Variants in HSPG2 observed in about 807,000 individuals in gnomAD.
HSPG2 encodes the protein basement membrane-specific heparan sulfate proteoglycan core protein.
Under a neutral mutation model 526.6 loss-of-function variants are expected in HSPG2, and 278 were observed. The ratio of observed to expected loss-of-function variants is 0.53; its 90% confidence interval spans 0.48 to 0.58. The LOEUF (loss-of-function observed/expected upper bound fraction) is 0.58, where lower values mean the gene tolerates loss of function less well. Ranked by LOEUF, HSPG2 falls within the 20% of genes least tolerant of loss-of-function variation. The probability of loss-of-function intolerance (pLI) is 0.00; values close to 1 mark genes in which losing one functional copy is unlikely to be tolerated. For missense variants in HSPG2, 5,354 were observed against 6,099.5 expected (o/e 0.88, Z 4.07); for synonymous variants, 2,465 against 2,555.4 (o/e 0.96, Z 1.07).
intron 1 of HSPG2, among the ~76,000 whole-genome samples, chr1:21,916,327 C>T (rs71637002): frequency 0.011 from 1,708 of 152,120 alleles, 20 homozygotes; most frequent in South Asian, 0.025. Context: ...CGGTGAAACC[C>T]TGTCTCTATT....
intron 33 of HSPG2, among the ~76,000 whole-genome samples, chr1:21,866,378 C>T (rs1053734131): frequency 6.6e-6 from 1 of 152,192 alleles, no homozygotes; most frequent in African/African-American, 2.4e-5. Flanking sequence ...ATAGTGGAGA[C>T]ATGAGCCAGG....
At chr1:21,922,934 C>T (rs1644083383) in intron 1 of HSPG2, among the ~76,000 whole-genome samples, 1 of 152,134 alleles carries the variant, frequency 6.6e-6, no homozygotes, top group African/African-American at 2.4e-5. Flanking sequence ...CGAATCCAGG[C>T]TTGAGCTGAT....
intron 33 of HSPG2, chr1:21,869,750 A>C: frequency 1.0e-6 from 1 of 985,412 alleles, no homozygotes; most frequent in Non-Finnish European, 1.2e-6. Context: ...CCACGGGCCC[A>C]GCCAGCCACC....
chr1:21,840,352 C>A (rs1478762756), intron 71 of HSPG2, among the ~76,000 whole-genome samples: 1 of 152,130 alleles, frequency 6.6e-6, no homozygotes, highest in African/African-American at 2.4e-5. Flanking sequence ...GTCACCCAGG[C>A]TGCAGTGCTG....
chr1:21,880,374 C>T lies in HSPG2; in HGVS notation c.2184G>A (p.Val728=), dbSNP rs1305268084. 6.2e-7 allele frequency: 1 copy of T among 1,614,006 alleles called. No individual in the cohort carries two copies. The highest frequency in any genetic ancestry group is 1.3e-5 in the African/African-American group (1 of 74,940). Residue 728 remains valine (V), a synonymous_variant, in exon 16 of 97, where the codon GTG becomes GTA. Coordinates refer to ENST00000374695, the MANE Select transcript of HSPG2 (RefSeq NM_005529.7). ...HATSHGRAHS[V]EECRCPIGYS... Reference sequence around the variant, plus strand: ...GCCGGCTCAGGCACCTGCACTCCTCCACACTGTGGGCACGGCCATGGCTGG... The same window carrying T: ...GCCGGCTCAGGCACCTGCACTCCTCTACACTGTGGGCACGGCCATGGCTGG...
chr1:21,904,171 G>A lies in HSPG2; in HGVS notation c.64-7861C>T, dbSNP rs1394864943. Among the ~76,000 whole-genome samples, 1 of 152,202 alleles carries A rather than the reference G, an allele frequency of 6.6e-6. No individual in the cohort carries two copies. Among genetic ancestry groups the A allele is most frequent in the Non-Finnish European group, 1.5e-5 (1 of 68,040 alleles). ...TGCGAAGAGAGTGCTGAAGGGGAAG[G>A]AAGGGGGCCGGCAGAGCCCAGGGGA... On this transcript the variant is annotated intron_variant, in intron 1 of 96. Coordinates refer to ENST00000374695, the MANE Select transcript of HSPG2 (RefSeq NM_005529.7). The surrounding 1 kb of genome is among the most constrained non-coding windows in gnomAD (Gnocchi z 4.4).
chr1:21,846,041 T>A (rs1638404073), intron 64 of HSPG2, 67 bp downstream of exon 64: 1 of 1,576,634 alleles, frequency 6.3e-7, no homozygotes. Context: ...TTCTGCCAGT[T>A]CTGCCCCCTG....
Position 21,848,227 on chromosome 1 carries a change from C to A in HSPG2, c.7738-134G>T. On this transcript the variant is annotated intron_variant, in intron 59 of 96. Coordinates refer to ENST00000374695, the MANE Select transcript of HSPG2 (RefSeq NM_005529.7). The surrounding 1 kb of genome is among the most constrained non-coding windows in gnomAD (Gnocchi z 4.9). Reference sequence around the variant, plus strand: ...TCCTCAGTGGCCTTCGTGAAGCTCCCAGCATGGCATGTGGCCTGTCTCTGG... The same window carrying A: ...TCCTCAGTGGCCTTCGTGAAGCTCCAAGCATGGCATGTGGCCTGTCTCTGG... 9.5e-7 allele frequency: 1 copy of A among 1,056,548 alleles called. No individual in the cohort carries two copies. Among genetic ancestry groups the A allele is most frequent in the South Asian group, 1.4e-5 (1 of 73,018 alleles). 65.4% of individuals were successfully genotyped at this position (1,056,548 alleles called of 1,614,324 possible).
At chr1:21,891,957 T>C (rs1004597164) in intron 3 of HSPG2, among the ~76,000 whole-genome samples, 6 of 152,230 alleles carry the variant, frequency 3.9e-5, no homozygotes, top group African/African-American at 1.4e-4. Context: ...AATTCATGTA[T>C]GTGATAGATA....
At chr1:21,870,532 G>A (rs1640564213) in intron 33 of HSPG2, among the ~76,000 whole-genome samples, 2 of 152,192 alleles carry the variant, frequency 1.3e-5, no homozygotes, top group African/African-American at 4.8e-5. Context: ...GAGAGGCAAG[G>A]CCAGGGGAAC....
chr1:21,860,769 G>A (rs931948926), intron 39 of HSPG2, among the ~76,000 whole-genome samples: 1 of 152,206 alleles, frequency 6.6e-6, no homozygotes, highest in African/African-American at 2.4e-5. Flanking sequence ...ATAGGCATGA[G>A]CCACCACGCC....
rs1485248451 is a variant in HSPG2 at position 21,855,578 on chromosome 1, G to A, written c.5799C>T (p.Cys1933=). 3 of 1,595,656 alleles carry A rather than the reference G, an allele frequency of 1.9e-6. No individual in the cohort carries two copies. Among genetic ancestry groups the A allele is most frequent in the East Asian group, 4.5e-5 (2 of 44,220 alleles). ...VEPTDQAQYL[C]RAHSSAGQQV... is the part of the protein sequence containing the mutation. ...GCTGCCCAGCGCTGCTGTGGGCTCGGCACAAGTACTGGGCCTGATCCGTGG... is the reference window on the plus strand; with the variant it reads ...GCTGCCCAGCGCTGCTGTGGGCTCGACACAAGTACTGGGCCTGATCCGTGG... The change falls in exon 46 of 97, where the codon TGC becomes TGT. Residue 1933 remains cysteine (C), a synonymous_variant. Transcript: ENST00000374695.
At chr1:21,860,777 G>A (rs987479458) in intron 39 of HSPG2, among the ~76,000 whole-genome samples, 3 of 152,188 alleles carry the variant, frequency 2.0e-5, no homozygotes, top group Admixed American at 6.5e-5. Context: ...GAGCCACCAC[G>A]CCTGGCCAGC....
At position 21,857,393 on chromosome 1, in the gene HSPG2, G is replaced by A; in HGVS notation, c.5294-8C>T. On this transcript the variant is annotated splice_region_variant and splice_polypyrimidine_tract_variant and intron_variant, in intron 42 of 96. Coordinates refer to ENST00000374695, the MANE Select transcript of HSPG2 (RefSeq NM_005529.7). Reference sequence around the variant, plus strand: ...TGGGCTTGCTTGGAGCCTCTGCAGGGACGGGAAGCCCCCCTGTGAGCCGGT... The same window carrying A: ...TGGGCTTGCTTGGAGCCTCTGCAGGAACGGGAAGCCCCCCTGTGAGCCGGT... 1 of 1,612,656 alleles carries A rather than the reference G, an allele frequency of 6.2e-7. No homozygotes were observed. Among genetic ancestry groups the A allele is most frequent in the Non-Finnish European group, 8.5e-7 (1 of 1,179,504 alleles).
chr1:21,873,018 A>G lies in HSPG2; in HGVS notation c.3867T>C (p.Ala1289=). The part of the protein sequence containing the change: ...PQGSVSSQCD[A]AGQCQCKAQV... ...TGACCTTGCACTGGCACTGACCAGC[A>G]GCATCACACTGGCTGCTGACGCTGC... The change falls in exon 31 of 97, where the codon GCT becomes GCC. Residue 1289 remains alanine, a synonymous_variant. Transcript: ENST00000374695. The G allele has an allele frequency of 6.2e-7, 1 of 1,609,984 alleles. No individual in the cohort carries two copies. The highest frequency in any genetic ancestry group is 1.7e-5 in the Admixed American group (1 of 60,028).
chr1:21,828,198 A>G lies in HSPG2; in HGVS notation c.12410-46T>C, dbSNP rs760701820. On this transcript the variant is annotated intron_variant, in intron 89 of 96. Coordinates refer to ENST00000374695, the MANE Select transcript of HSPG2 (RefSeq NM_005529.7). The surrounding 1 kb of genome is among the most constrained non-coding windows in gnomAD (Gnocchi z 6.0). ...GAGTGGGTGGGTGGGCATGGGCTGG[A>G]GGTGTCGCTGACCACCTGTGCCCCT... is the stretch of plus-strand genomic sequence containing the variant. 2 of 1,612,652 alleles carry G rather than the reference A, an allele frequency of 1.2e-6. No individual in the cohort carries two copies. The highest frequency in any genetic ancestry group is 1.7e-6 in the Non-Finnish European group (2 of 1,179,824).
chr1:21,889,080 C>G (rs1642162326), intron 6 of HSPG2, among the ~76,000 whole-genome samples: 1 of 152,180 alleles, frequency 6.6e-6, no homozygotes, highest in African/African-American at 2.4e-5. Flanking sequence ...CGCGCACCAC[C>G]ACGCTTGGCT....
In HSPG2 at chr1:21,905,261, C is replaced by CCA. The variant is rs112940334; in HGVS notation, c.64-8953_64-8952dup. ...TACACACACACCCACCCACACACAC[C>CCA]CACACACACACACACACACGCCACG... On this transcript the variant is annotated intron_variant, in intron 1 of 96. Coordinates refer to ENST00000374695, the MANE Select transcript of HSPG2 (RefSeq NM_005529.7). Among the ~76,000 whole-genome samples the CCA allele has an allele frequency of 2.8e-3, 412 of 146,156 alleles. 1 individual carries two copies. Among genetic ancestry groups the CCA allele is most frequent in the African/African-American group, 8.5e-3 (330 of 38,760 alleles).
At position 21,851,653 on chromosome 1, in the gene HSPG2, G is replaced by A; in HGVS notation, c.7051C>T (p.Gln2351Ter). The A allele has an allele frequency of 6.2e-7, 1 of 1,613,924 alleles. No individual in the cohort carries two copies. The highest frequency in any genetic ancestry group is 8.5e-7 in the Non-Finnish European group (1 of 1,179,998). The change falls in exon 55 of 97, where the codon CAA becomes TAA. Residue 2351 changes from glutamine to a stop codon, truncating the protein, a stop_gained. Coordinates refer to ENST00000374695, the MANE Select transcript of HSPG2 (RefSeq NM_005529.7). LOFTEE classifies it high-confidence loss of function. ...TCCAGGGTCTGCCCTTCCGCCACTT[G>A]CGAGGAGGAGGGCTCGATGCGGATG... ...QPIRIEPSSS[Q>*]VAEGQTLDLN... is the part of the protein sequence containing the mutation.
Sources: gnomAD v4.1 joint callset for allele counts (sites outside exome capture counted in the v4.1 genomes callset) on GRCh38, gnomAD v4.1.1 for gene constraint, Gnocchi (gnomAD v3.1) non-coding constraint, MANE v1.5 for transcripts, NCBI Gene and HGNC (gene_info 2026-07-23, HGNC 2026-07-21) for gene names.